Variants in XKR4 observed in about 807,000 individuals in gnomAD.
The protein encoded by XKR4 is XK-related protein 4.
A neutral mutation model predicts 53.9 loss-of-function variants in XKR4; 12 were observed. The observed-to-expected ratio is 0.22, with a 90% CI of 0.14 to 0.36. XKR4 has a LOEUF of 0.36. XKR4 is among the 10% of genes least tolerant of loss of function. The probability of loss-of-function intolerance (pLI) is 1.00; values close to 1 mark genes in which losing one functional copy is unlikely to be tolerated. For synonymous variants in XKR4, 354 were observed against 362.4 expected, an observed-to-expected ratio of 0.98 and a Z score of 0.26; for missense variants, 799 against 859.5, an observed-to-expected ratio of 0.93 and a Z score of 0.88.
intron 1 of XKR4, among the ~76,000 whole-genome samples, chr8:55,249,916 T>C (rs897079668): frequency 2.0e-5 from 3 of 152,192 alleles, no homozygotes; most frequent in African/African-American, 2.4e-5. Context: ...AGAATGTGAG[T>C]AGGAAACTGA....
intron 1 of XKR4, among the ~76,000 whole-genome samples, chr8:55,233,868 A>T (rs1818081185): frequency 6.6e-6 from 1 of 152,252 alleles, no homozygotes; most frequent in Admixed American, 6.5e-5. Context: ...AAGCAGAAGC[A>T]GAAGATTATA....
At position 55,265,590 on chromosome 8, in the gene XKR4, A is replaced by T. The variant is rs371265173; in HGVS notation, c.807-92088A>T. 2.1e-4 allele frequency among the ~76,000 whole-genome samples: 32 copies of T among 152,336 alleles called. No individual in the cohort carries two copies. The South Asian group carries it at 6.6e-3, about 32-fold the overall frequency. ...GGGAGGGGGCTGGGCATAGTGGCTC[A>T]TTCCTGTAATCCCAGCAATTTGGGA... is the stretch of plus-strand genomic sequence containing the variant. On this transcript the variant is annotated intron_variant, in intron 1 of 2. Coordinates refer to ENST00000327381, the MANE Select transcript of XKR4 (RefSeq NM_052898.2).
intron 2 of XKR4, among the ~76,000 whole-genome samples, chr8:55,436,626 A>G (rs1409174652): frequency 6.6e-6 from 1 of 152,138 alleles, no homozygotes; most frequent in Non-Finnish European, 1.5e-5. Flanking sequence ...CTCCAACCTC[A>G]CAGACTGACA....
chr8:55,178,043 C>A (rs1817256398), intron 1 of XKR4, among the ~76,000 whole-genome samples: 1 of 152,196 alleles, frequency 6.6e-6, no homozygotes, highest in African/African-American at 2.4e-5. Context: ...ATGGTGATTT[C>A]TCAGGAGAGA....
At chr8:55,138,821 A>T (rs1345858607) in intron 1 of XKR4, among the ~76,000 whole-genome samples, 2 of 152,048 alleles carry the variant, frequency 1.3e-5, no homozygotes, top group African/African-American at 4.8e-5. Flanking sequence ...TTTTTTGGAG[A>T]TGAGAGTAAA....
intron 2 of XKR4, among the ~76,000 whole-genome samples, chr8:55,458,386 G>A (rs1204835439): frequency 6.6e-6 from 1 of 152,126 alleles, no homozygotes; most frequent in Non-Finnish European, 1.5e-5. Context: ...ACTCCATATG[G>A]TCCCGTGGCA....
chr8:55,320,524 T>C (rs1336462623), intron 1 of XKR4, among the ~76,000 whole-genome samples: 1 of 152,198 alleles, frequency 6.6e-6, no homozygotes, highest in Non-Finnish European at 1.5e-5. Context: ...GCATAAATAC[T>C]ATGAAAGCTC....
At chr8:55,420,464 T>C (rs554319028) in intron 2 of XKR4, among the ~76,000 whole-genome samples, 160 of 145,928 alleles carry the variant, frequency 1.1e-3, no homozygotes, top group East Asian at 9.9e-3. Context: ...CCATAAAAAA[T>C]GATGAGTTCA....
chr8:55,364,680 T>G (rs969444670), intron 2 of XKR4, among the ~76,000 whole-genome samples: 1 of 152,200 alleles, frequency 6.6e-6, no homozygotes, highest in Non-Finnish European at 1.5e-5. Flanking sequence ...TTGCTTAGGC[T>G]GGAATGCAGT....
At chr8:55,377,537 G>A (rs1329007409) in intron 2 of XKR4, among the ~76,000 whole-genome samples, 2 of 152,152 alleles carry the variant, frequency 1.3e-5, no homozygotes, top group Non-Finnish European at 2.9e-5. Flanking sequence ...ATACCTCACT[G>A]CTTTTTCCCT....
At chr8:55,373,177 G>T (rs1181607781) in intron 2 of XKR4, among the ~76,000 whole-genome samples, 5 of 151,876 alleles carry the variant, frequency 3.3e-5, no homozygotes, top group African/African-American at 7.3e-5. Context: ...AACTTTTGGG[G>T]TTTTTTTTAG....
intron 2 of XKR4, among the ~76,000 whole-genome samples, chr8:55,439,361 T>C (rs1805233062): frequency 2.0e-5 from 3 of 152,148 alleles, no homozygotes; most frequent in Admixed American, 1.3e-4. Context: ...GGGAATTCTC[T>C]AAAGAGACAA....
Position 55,169,169 on chromosome 8 carries a change from G to A in XKR4, c.806+65875G>A, listed in dbSNP as rs571014688. Among the ~76,000 whole-genome samples, 381 of 152,220 alleles carry A rather than the reference G, an allele frequency of 2.5e-3. 1 individual carries two copies. The highest frequency in any genetic ancestry group is 3.5e-3 in the Non-Finnish European group (235 of 67,994). On this transcript the variant is annotated intron_variant, in intron 1 of 2. Transcript: ENST00000327381. ...ATACTTTCATATTTCGTATTCAATT[G>A]TTCTTAGCCATTTGCAAGTGTCTTC...
In XKR4 at chr8:55,262,228, T is replaced by C. The variant is rs7825538; in HGVS notation, c.807-95450T>C. Reference sequence around the variant, plus strand: ...TCTGACATTTATTAAGTACCTTCTGTGAACTAGTTATTTATATAAATTGCC... The same window carrying C: ...TCTGACATTTATTAAGTACCTTCTGCGAACTAGTTATTTATATAAATTGCC... On this transcript the variant is annotated intron_variant, in intron 1 of 2. Coordinates refer to ENST00000327381, the MANE Select transcript of XKR4 (RefSeq NM_052898.2). Among the ~76,000 whole-genome samples, 334 of 152,366 alleles carry C rather than the reference T, an allele frequency of 2.2e-3. 1 individual carries two copies. Among genetic ancestry groups the C allele is most frequent in the African/African-American group, 7.7e-3 (319 of 41,588 alleles).
At chr8:55,311,505 T>G (rs1819387670) in intron 1 of XKR4, among the ~76,000 whole-genome samples, 1 of 152,156 alleles carries the variant, frequency 6.6e-6, no homozygotes, top group Non-Finnish European at 1.5e-5. Flanking sequence ...GCTGGAGATG[T>G]GGCTAGAAGG....
At chr8:55,141,476 G>A (rs1482600974) in intron 1 of XKR4, among the ~76,000 whole-genome samples, 1 of 151,942 alleles carries the variant, frequency 6.6e-6, no homozygotes, top group Non-Finnish European at 1.5e-5. Context: ...GGGACTTTAG[G>A]GTCACACGAG....
Position 55,303,778 on chromosome 8 carries a change from T to G in XKR4, c.807-53900T>G, listed in dbSNP as rs528872233. Among the ~76,000 whole-genome samples the G allele has an allele frequency of 2.0e-4, 31 of 152,358 alleles. No individual in the cohort carries two copies. In the East Asian group the frequency reaches 5.8e-3, roughly 28 times the overall value. On this transcript the variant is annotated intron_variant, in intron 1 of 2. Coordinates refer to ENST00000327381, the MANE Select transcript of XKR4 (RefSeq NM_052898.2). ...CATTTCTTCTAGATTTTCTAGTTTA[T>G]TTGCGTAGACGTGTTTGTAGTATTC...
At chr8:55,388,468 A>C (rs758352594) in intron 2 of XKR4, among the ~76,000 whole-genome samples, 4 of 127,030 alleles carry the variant, frequency 3.1e-5, no homozygotes, top group Non-Finnish European at 3.3e-5. Context: ...ACAGTTCCAG[A>C]GGCTGGGAAG....
chr8:55,185,906 C>T (rs971182298), intron 1 of XKR4, among the ~76,000 whole-genome samples: 1 of 152,106 alleles, frequency 6.6e-6, no homozygotes, highest in African/African-American at 2.4e-5. Flanking sequence ...TCATGTGACC[C>T]TCTTAGACTC....
Sources: gnomAD v4.1 joint callset for allele counts (sites outside exome capture counted in the v4.1 genomes callset) on GRCh38, gnomAD v4.1.1 for gene constraint, MANE v1.5 for transcripts, NCBI Gene and HGNC (gene_info 2026-07-23, HGNC 2026-07-21) for gene names.